WDR76: variants seen among roughly 807,000 people sequenced by gnomAD.
The protein encoded by WDR76 is WD repeat domain 76.
In WDR76, 52 loss-of-function variants were observed where a neutral mutation model predicts 70.2. That is an observed-to-expected ratio of 0.74 (90% CI 0.59 to 0.93). The LOEUF (loss-of-function observed/expected upper bound fraction) is 0.93. Ranked by LOEUF, WDR76 falls within the 40% of genes least tolerant of loss-of-function variation. The probability of loss-of-function intolerance (pLI) is 0.00; values close to 1 mark genes in which losing one functional copy is unlikely to be tolerated. For missense variants in WDR76, 756 were observed against 760.2 expected, an observed-to-expected ratio of 0.99 and a Z score of 0.07; for synonymous variants, 292 against 271.1, an observed-to-expected ratio of 1.08 and a Z score of -0.76.
At chr15:43,832,432 GTTTTT>G (rs34944412) in intron 2 of WDR76, among the ~76,000 whole-genome samples, 1 of 149,362 alleles carries the variant, frequency 6.7e-6, no homozygotes, top group Non-Finnish European at 1.5e-5. Context: ...GTTCATCTTT[GTTTTT>G]TTTTTGTTTT....
chr15:43,827,121 G>T (rs1355419297), intron 1 of WDR76, 29 bp downstream of exon 1: 2 of 1,613,682 alleles, frequency 1.2e-6, no homozygotes, highest in South Asian at 2.2e-5. Context: ...CTTCCAAGGT[G>T]TGCTCCTGCC....
intron 12 of WDR76, 126 bp from the exon 13 acceptor site, chr15:43,866,002 T>TA: frequency 8.6e-7 from 1 of 1,164,712 alleles, no homozygotes; most frequent in Non-Finnish European, 1.2e-6. Context: ...GGTAACTCAG[T>TA]AACTTAATGA....
At chr15:43,832,770 T>TG (rs2087608228) in intron 2 of WDR76, among the ~76,000 whole-genome samples, 1 of 130,284 alleles carries the variant, frequency 7.7e-6, no homozygotes, top group African/African-American at 3.3e-5. Context: ...TTTTTTTTTT[T>TG]GAGACAGTCT....
chr15:43,841,074 G>A (rs1465323075), intron 5 of WDR76, among the ~76,000 whole-genome samples: 3 of 151,278 alleles, frequency 2.0e-5, no homozygotes, highest in African/African-American at 7.3e-5. Flanking sequence ...AGGCTGGAGT[G>A]CAGTGGCACA....
rs958112701 is a variant in WDR76, at chr15:43,867,635, A to G, written c.*1243A>G. On this transcript the variant is annotated 3_prime_UTR_variant, in exon 13 of 13. Coordinates refer to ENST00000263795, the MANE Select transcript of WDR76 (RefSeq NM_024908.4). ...AAGTTAAAGCTACTGCTTAGAATGA[A>G]GAAGGCCCCAGGCTTACCTGTCCCG... is the stretch of plus-strand genomic sequence containing the variant. 1 of 151,832 alleles carries G rather than the reference A, an allele frequency of 6.6e-6. No homozygotes were observed. Among genetic ancestry groups the G allele is most frequent in the Non-Finnish European group, 1.5e-5 (1 of 67,948 alleles). 9.4% of individuals were successfully genotyped at this position (151,832 alleles called of 1,614,324 possible).
chr15:43,856,781 CCTGA>C (rs1305024333), intron 9 of WDR76, among the ~76,000 whole-genome samples, 161 bp from the exon 10 acceptor site: 1 of 151,860 alleles, frequency 6.6e-6, no homozygotes, highest in South Asian at 2.1e-4. Flanking sequence ...CCCCAAATAC[CCTGA>C]CTGTGTTTCC....
chr15:43,846,245 G>A (rs2140304754), intron 8 of WDR76, among the ~76,000 whole-genome samples: 1 of 148,568 alleles, frequency 6.7e-6, no homozygotes. Context: ...GAAGTATGGG[G>A]GTAATGAAAG....
intron 11 of WDR76, among the ~76,000 whole-genome samples, chr15:43,860,646 G>T (rs969086120): frequency 6.6e-6 from 1 of 151,948 alleles, no homozygotes; most frequent in Non-Finnish European, 1.5e-5. Context: ...GGGTCTAGAG[G>T]CATGTGCCAC....
chr15:43,827,350 A>G (rs114049103), intron 1 of WDR76, among the ~76,000 whole-genome samples: 7 of 152,336 alleles, frequency 4.6e-5, no homozygotes, highest in African/African-American at 1.7e-4. Flanking sequence ...CACTCTTTAA[A>G]TAATTCCAGA....
At chr15:43,858,622 T>C in intron 10 of WDR76, 49 bp from the exon 11 acceptor site, 1 of 1,598,160 alleles carries the variant, frequency 6.3e-7, no homozygotes, top group Non-Finnish European at 8.5e-7. Flanking sequence ...GTTGTAGAGG[T>C]TCATTACATG....
Position 43,838,780 on chromosome 15 carries a change from C to T in WDR76, c.609-825C>T, listed in dbSNP as rs558963013. Among the ~76,000 whole-genome samples, 5 of 152,118 alleles carry T rather than the reference C, an allele frequency of 3.3e-5. No homozygotes were observed. In the South Asian group the frequency reaches 8.3e-4, roughly 25 times the overall value. ...TATGAAAAGTGCTGCTCCAAACATTCTTAAGTCTCTTAGTGCTTATGTATG... is the reference window on the plus strand; with the variant it reads ...TATGAAAAGTGCTGCTCCAAACATTTTTAAGTCTCTTAGTGCTTATGTATG... On this transcript the variant is annotated intron_variant, in intron 4 of 12. Transcript: ENST00000263795.
intron 5 of WDR76, among the ~76,000 whole-genome samples, chr15:43,841,440 C>T (rs931434973): frequency 3.3e-5 from 5 of 151,894 alleles, no homozygotes; most frequent in Admixed American, 6.6e-5. Context: ...ATGATCTGCC[C>T]GCCTCGGCCT....
intron 2 of WDR76, among the ~76,000 whole-genome samples, chr15:43,831,134 G>A (rs1477185865): frequency 1.3e-5 from 2 of 152,026 alleles, no homozygotes; most frequent in African/African-American, 4.8e-5. Flanking sequence ...GGGAGGCTGA[G>A]ATGGGAGAAT....
Position 43,846,670 on chromosome 15 carries a change from T to C in WDR76, c.1032+2616T>C, listed in dbSNP as rs78457713. ...GTTTTTTTTTGGATGAGTTGATCTG[T>C]ATAGATTTAAGACATACATAAAAAT... is the stretch of plus-strand genomic sequence containing the variant. On this transcript the variant is annotated intron_variant, in intron 8 of 12. Transcript: ENST00000263795. 8.9e-3 allele frequency among the ~76,000 whole-genome samples: 1,350 copies of C among 152,094 alleles called. 26 individuals carry two copies. Among genetic ancestry groups the C allele is most frequent in the African/African-American group, 0.031 (1,305 of 41,484 alleles).
At chr15:43,864,432 T>C (rs754976128) in intron 12 of WDR76, among the ~76,000 whole-genome samples, 31 of 152,328 alleles carry the variant, frequency 2.0e-4, no homozygotes, top group Non-Finnish European at 3.7e-4. Flanking sequence ...TTTTGCTGTT[T>C]TCATAATGGC....
In WDR76 at chr15:43,860,380, A is replaced by C. The variant is rs548273272; in HGVS notation, c.1563-953A>C. Among the ~76,000 whole-genome samples the C allele has an allele frequency of 6.2e-4, 94 of 152,272 alleles. 2 individuals carry two copies. In the South Asian group the frequency reaches 0.019, roughly 31 times the overall value. The stretch of plus-strand genomic sequence containing the variant: ...AGATGTACTTTTAGGTGATTTGTAC[A>C]TTTTCAGGCCACATCCTTTATGTCC... On this transcript the variant is annotated intron_variant, in intron 11 of 12. Coordinates refer to ENST00000263795, the MANE Select transcript of WDR76 (RefSeq NM_024908.4).
At chr15:43,844,926 T>TTAA (rs1415100684) in intron 8 of WDR76, among the ~76,000 whole-genome samples, 1 of 15,528 alleles carries the variant, frequency 6.4e-5, no homozygotes, top group African/African-American at 2.6e-4. Flanking sequence ...AGACTCTGTG[T>TTAA]AAAAAAAAAA....
At chr15:43,848,790 T>A (rs190078014) in intron 8 of WDR76, among the ~76,000 whole-genome samples, 26 of 152,106 alleles carry the variant, frequency 1.7e-4, no homozygotes, top group African/African-American at 6.3e-4. Flanking sequence ...AATACAAAAT[T>A]AGCTGGGTAT....
chr15:43,851,462 A>G (rs2087858903), intron 9 of WDR76, among the ~76,000 whole-genome samples: 1 of 152,318 alleles, frequency 6.6e-6, no homozygotes, highest in Middle Eastern at 3.4e-3. Context: ...TAGCTGTGAA[A>G]TGGGATTTAA....
Sources: gnomAD v4.1 joint callset for allele counts (sites outside exome capture counted in the v4.1 genomes callset) on GRCh38, gnomAD v4.1.1 for gene constraint, MANE v1.5 for transcripts, NCBI Gene and HGNC (gene_info 2026-07-23, HGNC 2026-07-21) for gene names.